DGKH: variants seen among roughly 807,000 people sequenced by gnomAD.
DGKH encodes the protein DAG kinase eta.
Under a neutral mutation model 159.3 loss-of-function variants are expected in DGKH, and 90 were observed. The ratio of observed to expected loss-of-function variants is 0.57; its 90% CI spans 0.48 to 0.67. The LOEUF (loss-of-function observed/expected upper bound fraction) is 0.67. DGKH is among the 30% of genes least tolerant of loss of function. DGKH has a pLI of 0.00. For synonymous variants in DGKH, 536 were observed against 553.8 expected, an observed-to-expected ratio of 0.97 and a Z score of 0.45; for missense variants, 1,181 against 1,506.1, an observed-to-expected ratio of 0.78 and a Z score of 3.57.
intron 12 of DGKH, among the ~76,000 whole-genome samples, chr13:42,176,593 T>C (rs1194646030): frequency 6.6e-6 from 1 of 152,132 alleles, no homozygotes; most frequent in African/African-American, 2.4e-5. Flanking sequence ...TAACCACTTG[T>C]GGAATGAAGG....
intron 13 of DGKH, among the ~76,000 whole-genome samples, chr13:42,181,220 T>C (rs1026986353): frequency 7.5e-6 from 1 of 133,710 alleles, no homozygotes; most frequent in Non-Finnish European, 1.5e-5. Context: ...GAGCTTGCAG[T>C]GAGCGGAGAT....
intron 1 of DGKH, chr13:42,070,722 T>G (rs567341276): frequency 6.2e-7 from 1 of 1,608,822 alleles, no homozygotes; most frequent in East Asian, 2.2e-5. Context: ...GCTCTTCCAG[T>G]AAAGGGCCCT....
rs751476787 is a variant in DGKH at position 42,174,052 on chromosome 13, C to T, written c.1368-8C>T. 3 of 1,609,886 alleles carry T rather than the reference C, an allele frequency of 1.9e-6. No homozygotes were observed. In the Admixed American group the frequency reaches 5.1e-5, roughly 27 times the overall value. On this transcript the variant is annotated splice_polypyrimidine_tract_variant and splice_region_variant and intron_variant, in intron 11 of 29. Coordinates refer to ENST00000337343, the MANE Select transcript of DGKH (RefSeq NM_178009.5). ...AAATCTTTGACCAAAGAGTTTTTCT[C>T]CCTTCAGGTGGAGTATAATGACATA...
At chr13:42,067,306 T>C (rs1882648323) in intron 1 of DGKH, among the ~76,000 whole-genome samples, 1 of 152,196 alleles carries the variant, frequency 6.6e-6, no homozygotes, top group African/African-American at 2.4e-5. Flanking sequence ...TCCATCAGTT[T>C]AGAACCTATC....
intron 17 of DGKH, among the ~76,000 whole-genome samples, chr13:42,197,937 A>G (rs1235154620): frequency 6.6e-6 from 1 of 152,180 alleles, no homozygotes; most frequent in Non-Finnish European, 1.5e-5. Flanking sequence ...TTCATTTTTT[A>G]TATTTAATAC....
intron 1 of DGKH, among the ~76,000 whole-genome samples, chr13:42,089,980 T>C (rs1260160852): frequency 3.9e-5 from 6 of 152,156 alleles, no homozygotes; most frequent in Admixed American, 3.9e-4. Context: ...TTCTCACATA[T>C]TTGGAAGCCA....
chr13:42,159,244 C>CATTTTTTTT, intron 5 of DGKH, 22 bp from the exon 6 acceptor site: 1 of 213,284 alleles, frequency 4.7e-6, no homozygotes. Context: ...AGCAGTTGCT[C>CATTTTTTTT]TTTTTTTTTT....
chr13:42,057,883 T>C (rs1881877104), intron 1 of DGKH, among the ~76,000 whole-genome samples: 1 of 152,006 alleles, frequency 6.6e-6, no homozygotes, highest in Non-Finnish European at 1.5e-5. Context: ...CATGTGGACC[T>C]CTGGGTGAAG....
intron 24 of DGKH, among the ~76,000 whole-genome samples, chr13:42,212,475 T>G (rs1483972033): frequency 1.3e-5 from 2 of 152,266 alleles, no homozygotes; most frequent in East Asian, 1.9e-4. Context: ...AGACAACTTC[T>G]GTGGCCTCTA....
Position 42,206,048 on chromosome 13 carries a change from C to T in DGKH, c.2503C>T (p.Gln835Ter). ...TTTTTTTACCTTACAGTGTGATGGG[C>T]AGTATATTCCTCTTCCCAGCTTGCA... ...EQRVQLECDG[Q>*]YIPLPSLQGI... Residue 835 changes from glutamine (Q) to a stop codon, truncating the protein, a stop_gained, in exon 21 of 30, where the codon CAG becomes TAG. Coordinates refer to ENST00000337343, the MANE Select transcript of DGKH (RefSeq NM_178009.5). LOFTEE classifies it high-confidence loss of function. 1 of 1,372,392 alleles carries T rather than the reference C, an allele frequency of 7.3e-7. No individual in the cohort carries two copies. The allele number at this position is 1,372,392 out of a possible 1,614,324, so 85.0% of individuals were successfully genotyped here.
chr13:42,101,755 G>A (rs1954655483), intron 1 of DGKH, among the ~76,000 whole-genome samples: 1 of 149,262 alleles, frequency 6.7e-6, no homozygotes, highest in Non-Finnish European at 1.5e-5. Flanking sequence ...AAAGAGGTAT[G>A]TGTGTATGTG....
chr13:42,234,225 C>A lies in DGKH; in HGVS notation c.*5037C>A, dbSNP rs1266383849. The A allele has an allele frequency of 2.6e-5, 4 of 152,140 alleles. No individual in the cohort carries two copies. The highest frequency in any genetic ancestry group is 9.7e-5 in the African/African-American group (4 of 41,434). The allele number at this position is 152,140 out of a possible 1,614,324, so 9.4% of individuals were successfully genotyped here. A position where few individuals can be genotyped will look rare whatever the true frequency, so the allele number is the denominator to read the frequency against. On this transcript the variant is annotated 3_prime_UTR_variant, in exon 30 of 30. Transcript: ENST00000337343. ...TACATATTGATATAATGTACCAAAA[C>A]ACAATTGCCTAGAGATGCTTTAGCT...
At chr13:42,228,867 G>T (rs191947825) in intron 29 of DGKH, among the ~76,000 whole-genome samples, 29 of 152,040 alleles carry the variant, frequency 1.9e-4, no homozygotes, top group Non-Finnish European at 1.2e-4. Context: ...TTGGTGTCAG[G>T]TTATTTTTGT....
chr13:42,143,187 T>A (rs554375740), intron 3 of DGKH, among the ~76,000 whole-genome samples: 1 of 152,336 alleles, frequency 6.6e-6, no homozygotes, highest in Non-Finnish European at 1.5e-5. Context: ...TCTGTTTATA[T>A]GCTGGATTAT....
chr13:42,226,699 G>GA (rs1334502170), intron 29 of DGKH, among the ~76,000 whole-genome samples: 1 of 151,310 alleles, frequency 6.6e-6, no homozygotes, highest in East Asian at 1.9e-4. Context: ...ACTAAAAATA[G>GA]AAAAAAAATT....
At chr13:42,083,782 A>C (rs1773963009) in intron 1 of DGKH, among the ~76,000 whole-genome samples, 1 of 152,244 alleles carries the variant, frequency 6.6e-6, no homozygotes, top group African/African-American at 2.4e-5. Flanking sequence ...TTAAAGAAAT[A>C]TTGAAAAAAT....
At chr13:42,080,227 C>T (rs1483575223) in intron 1 of DGKH, among the ~76,000 whole-genome samples, 1 of 152,162 alleles carries the variant, frequency 6.6e-6, no homozygotes, top group Non-Finnish European at 1.5e-5. Flanking sequence ...GTGCATTCTA[C>T]AGAATAGTTA....
intron 25 of DGKH, 101 bp downstream of exon 25, chr13:42,214,713 T>C: frequency 8.9e-7 from 1 of 1,122,002 alleles, no homozygotes; most frequent in African/African-American, 1.6e-5. Context: ...CAGAAAGTTA[T>C]GTTGTCTATA....
chr13:42,221,501 A>C (rs1349806313), intron 29 of DGKH, 107 bp downstream of exon 29: 1 of 1,408,340 alleles, frequency 7.1e-7, no homozygotes, highest in East Asian at 2.3e-5. Context: ...TGTCATGCAA[A>C]TGTGTAGTAA....
Sources: gnomAD v4.1 joint callset for allele counts (sites outside exome capture counted in the v4.1 genomes callset) on GRCh38, gnomAD v4.1.1 for gene constraint, MANE v1.5 for transcripts, NCBI Gene and HGNC (gene_info 2026-07-23, HGNC 2026-07-21) for gene names.